The following DIAPH2 variants were observed in gnomAD, a reference collection of about 807,000 sequenced individuals.
DIAPH2 encodes the protein protein diaphanous homolog 2.
Under a neutral mutation model 92.7 loss-of-function variants are expected in DIAPH2, and 35 were observed. That is an observed-to-expected ratio of 0.38 (90% CI 0.29 to 0.50). DIAPH2 has a LOEUF of 0.50. Ranked by LOEUF, DIAPH2 falls within the 20% of genes least tolerant of loss-of-function variation. The pLI, the probability that DIAPH2 is intolerant of heterozygous loss-of-function variation, is 0.94. For missense variants in DIAPH2, 701 were observed against 819.5 expected (o/e 0.86, Z 1.77); for synonymous variants, 301 against 280.4 (o/e 1.07, Z -0.73).
chrX:97,493,065 T>C (rs2070734815), intron 26 of DIAPH2, among the ~76,000 whole-genome samples: 1 of 111,994 alleles, frequency 8.9e-6, no homozygotes, highest in Non-Finnish European at 1.9e-5. Flanking sequence ...TAGCTTAGGC[T>C]TTCTTCATTC....
chrX:97,069,521 A>C (rs1489719798), intron 17 of DIAPH2, among the ~76,000 whole-genome samples: 1 of 111,176 alleles, frequency 9.0e-6, no homozygotes, highest in East Asian at 2.8e-4. Flanking sequence ...CCTTTTGGGG[A>C]TACTTCCATA....
At chrX:97,275,277 C>T in intron 23 of DIAPH2, among the ~76,000 whole-genome samples, 1 of 100,616 alleles carries the variant, frequency 9.9e-6, no homozygotes, top group African/African-American at 3.7e-5. Context: ...GGGGCTGCCC[C>T]CCCAACCTCC....
chrX:97,472,047 T>C (rs2070568658), intron 26 of DIAPH2, among the ~76,000 whole-genome samples: 1 of 112,368 alleles, frequency 8.9e-6, no homozygotes, highest in African/African-American at 3.2e-5. Context: ...TCTTTGGTCA[T>C]AGTGCTCTAA....
chrX:97,225,242 C>A (rs1297003754), intron 22 of DIAPH2, among the ~76,000 whole-genome samples: 1 of 111,355 alleles, frequency 9.0e-6, no homozygotes, highest in Non-Finnish European at 1.9e-5. Context: ...ATGATAGGAA[C>A]TCATTCCAAA....
intron 1 of DIAPH2, among the ~76,000 whole-genome samples, chrX:96,688,159 C>T (rs2063781085): frequency 8.9e-6 from 1 of 111,806 alleles, no homozygotes; most frequent in Non-Finnish European, 1.9e-5. Context: ...CCACACCACA[C>T]GGTAGTGTAG....
intron 4 of DIAPH2, among the ~76,000 whole-genome samples, chrX:96,780,702 T>G (rs1169855019): frequency 9.0e-6 from 1 of 110,619 alleles, no homozygotes; most frequent in Non-Finnish European, 1.9e-5. Flanking sequence ...CAGGATAGTC[T>G]CGATCTCCTG....
intron 4 of DIAPH2, among the ~76,000 whole-genome samples, chrX:96,814,311 C>T (rs895914957): frequency 1.8e-5 from 2 of 111,599 alleles, no homozygotes; most frequent in Admixed American, 9.5e-5. Context: ...TCCCCTTGAT[C>T]GAATCATGTG....
At chrX:97,389,949 A>G (rs1040070092) in intron 25 of DIAPH2, among the ~76,000 whole-genome samples, 4 of 111,321 alleles carry the variant, frequency 3.6e-5, no homozygotes, top group Non-Finnish European at 5.6e-5. Context: ...AGCTGACATC[A>G]GTAGTTTCAT....
chrX:97,310,639 G>A (rs1363917280), intron 23 of DIAPH2, among the ~76,000 whole-genome samples: 1 of 111,612 alleles, frequency 9.0e-6, no homozygotes, highest in Admixed American at 9.6e-5. Flanking sequence ...TGAATGAGAG[G>A]GAGAGTCGTA....
At chrX:97,225,071 G>T (rs758075423) in intron 22 of DIAPH2, among the ~76,000 whole-genome samples, 1 of 110,146 alleles carries the variant, frequency 9.1e-6, no homozygotes, top group Non-Finnish European at 1.9e-5. Flanking sequence ...TGTACTTTTT[G>T]GTGCAGTTAT....
intron 22 of DIAPH2, among the ~76,000 whole-genome samples, chrX:97,180,301 T>C (rs1345772396): frequency 8.9e-6 from 1 of 112,424 alleles, no homozygotes; most frequent in African/African-American, 3.2e-5. Context: ...ATAAATGTCT[T>C]CTATTAAGAA....
intron 23 of DIAPH2, among the ~76,000 whole-genome samples, chrX:97,307,464 T>C (rs916617397): frequency 1.8e-5 from 2 of 112,039 alleles, no homozygotes; most frequent in African/African-American, 3.2e-5. Context: ...TTATAGACAA[T>C]AGATTTTGCC....
intron 17 of DIAPH2, among the ~76,000 whole-genome samples, chrX:97,052,036 A>C (rs986765207): frequency 8.9e-6 from 1 of 111,832 alleles, no homozygotes; most frequent in East Asian, 2.8e-4. Flanking sequence ...TGAGGACTAT[A>C]GATGACTAAG....
chrX:97,527,216 C>T (rs2071030289), intron 26 of DIAPH2, among the ~76,000 whole-genome samples: 1 of 112,082 alleles, frequency 8.9e-6, no homozygotes, highest in Admixed American at 9.5e-5. Context: ...AACCCAAATA[C>T]TTAACTGGGT....
At chrX:97,215,894 A>T (rs2067879572) in intron 22 of DIAPH2, among the ~76,000 whole-genome samples, 1 of 112,385 alleles carries the variant, frequency 8.9e-6, no homozygotes. Context: ...TTGTTTCTAA[A>T]GATGCAAGTG....
chrX:96,984,664 A>G (rs893866715), intron 17 of DIAPH2, among the ~76,000 whole-genome samples: 3 of 111,375 alleles, frequency 2.7e-5, no homozygotes, highest in Non-Finnish European at 3.8e-5. Context: ...ATTAATTCAT[A>G]AGCTGTGCTA....
chrX:97,302,547 A>C (rs2068715972), intron 23 of DIAPH2, among the ~76,000 whole-genome samples: 1 of 111,270 alleles, frequency 9.0e-6, no homozygotes, highest in Non-Finnish European at 1.9e-5. Context: ...AATAAAAATT[A>C]AAAAATAAAA....
intron 23 of DIAPH2, among the ~76,000 whole-genome samples, chrX:97,266,193 T>G (rs1194324411): frequency 8.9e-6 from 1 of 112,136 alleles, no homozygotes; most frequent in African/African-American, 3.2e-5. Context: ...AGAAACTGTG[T>G]CAGATGCTAG....
chrX:97,217,421 AC>A (rs1162298858), intron 22 of DIAPH2, among the ~76,000 whole-genome samples: 6 of 111,412 alleles, frequency 5.4e-5, no homozygotes, highest in Non-Finnish European at 1.1e-4. Context: ...TTTTGTAGAT[AC>A]TTAACCTGCC....
Sources: gnomAD v4.1 joint callset for allele counts (sites outside exome capture counted in the v4.1 genomes callset) on GRCh38, gnomAD v4.1.1 for gene constraint, MANE v1.5 for transcripts, NCBI Gene and HGNC (gene_info 2026-07-23, HGNC 2026-07-21) for gene names.